The following EXOSC10 variants were observed in gnomAD, a reference collection of about 807,000 sequenced individuals.
EXOSC10 encodes the protein exosome complex component 10.
In EXOSC10, 94 loss-of-function variants were observed where a neutral mutation model predicts 126.6. That is an observed-to-expected ratio of 0.74 (90% confidence interval 0.63 to 0.88). The LOEUF is 0.88. EXOSC10 is among the 40% of genes least tolerant of loss of function. The probability of loss-of-function intolerance (pLI) is 0.00; values close to 1 mark genes in which losing one functional copy is unlikely to be tolerated. For synonymous variants in EXOSC10, 395 were observed against 400.8 expected, an observed-to-expected ratio of 0.99 and a Z score of 0.17; for missense variants, 1,041 against 1,100.5, an observed-to-expected ratio of 0.95 and a Z score of 0.77.
In EXOSC10 at chr1:11,077,605, G is replaced by A. The variant is rs1639891743; in HGVS notation, c.1796C>T (p.Ala599Val). ...AAAACAGATCCGACACTCTACCTCA[G>A]CACTGGGCAGCGGTCCGCTCTTCTT... Reference protein sequence around the residue: ...GVKKSGPLPSAERLENVLFGP... With the variant: ...GVKKSGPLPSVERLENVLFGP... The change falls in exon 15 of 25, where the codon GCT becomes GTT. Residue 599 changes from alanine to valine, a missense_variant. Coordinates refer to ENST00000376936, the MANE Select transcript of EXOSC10 (RefSeq NM_001001998.3). 1 of 1,613,770 alleles carries A rather than the reference G, an allele frequency of 6.2e-7. No homozygotes were observed. The highest frequency in any genetic ancestry group is 1.7e-5 in the Admixed American group (1 of 59,978).
Position 11,080,564 on chromosome 1 carries a change from ACAC to A in EXOSC10, c.1587-18_1587-16del, listed in dbSNP as rs553714960. ...GCAGTACATATCTGGAAAAAAAAAA[ACAC>A]ACACACACACACACACACACACACA... On this transcript the variant is annotated splice_polypyrimidine_tract_variant and intron_variant, in intron 12 of 24. Coordinates refer to ENST00000376936, the MANE Select transcript of EXOSC10 (RefSeq NM_001001998.3). 11,657 of 1,172,664 alleles carry A rather than the reference ACAC, an allele frequency of 9.9e-3. No homozygotes were observed. Among genetic ancestry groups the A allele is most frequent in the Middle Eastern group, 0.011 (37 of 3,254 alleles). 72.6% of individuals were successfully genotyped at this position (1,172,664 alleles called of 1,614,324 possible). A position where few individuals can be genotyped will look rare whatever the true frequency, so the allele number is the denominator to read the frequency against.
At chr1:11,088,281 A>T (rs191619584) in intron 6 of EXOSC10, 83 bp from the exon 7 acceptor site, 1 of 971,220 alleles carries the variant, frequency 1.0e-6, no homozygotes, top group East Asian at 2.5e-5. Context: ...TCCAATCTGT[A>T]AAAACAAATG....
intron 17 of EXOSC10, among the ~76,000 whole-genome samples, chr1:11,075,411 T>G (rs1259712345): frequency 6.6e-6 from 1 of 152,122 alleles, no homozygotes; most frequent in Non-Finnish European, 1.5e-5. Flanking sequence ...GTGCTATCCT[T>G]TTGCTTCATC....
In EXOSC10 at chr1:11,099,803, C is replaced by A. The variant is rs540443256; in HGVS notation, c.29G>T (p.Arg10Met). 5 of 1,611,754 alleles carry A rather than the reference C, an allele frequency of 3.1e-6. No individual in the cohort carries two copies. The African/African-American group carries it at 4.0e-5, about 13-fold the overall frequency. Residue 10 changes from arginine to methionine, a missense_variant, in exon 1 of 25, where the codon AGG becomes ATG. This residue lies in a region of EXOSC10 where 645 missense variants were observed against 656.3 expected (regional missense o/e 0.98). Coordinates refer to ENST00000376936, the MANE Select transcript of EXOSC10 (RefSeq NM_001001998.3). ...GGTTGCGCTGGTCGCCGACAGGACC[C>A]TGGGCTCCCGGGTACTGGGTGGCGC... MAPPSTREPRVLSATSATKS... is the reference protein window; with the variant it reads MAPPSTREPMVLSATSATKS...
In EXOSC10 at chr1:11,072,129, C is replaced by T; in HGVS notation, c.2200G>A (p.Asp734Asn). 1.9e-6 allele frequency: 3 copies of T among 1,613,936 alleles called. No individual in the cohort carries two copies. Among genetic ancestry groups the T allele is most frequent in the Non-Finnish European group, 2.5e-6 (3 of 1,179,932 alleles). Residue 734 changes from aspartate (D) to asparagine (N), a missense_variant, in exon 20 of 25, where the codon GAC becomes AAC. By Grantham distance (23) the Asp-to-Asn change is conservative. This residue lies in a region of EXOSC10 where 388 missense variants were observed against 415.2 expected (regional missense o/e 0.93). Coordinates refer to ENST00000376936, the MANE Select transcript of EXOSC10 (RefSeq NM_001001998.3). The part of the protein sequence containing the change: ...WKLAQVQVQK[D>N]SKEAVKKKAA... ...TTCTTCTTGACAGCTTCTTTAGAGT[C>T]TTTTTGTACTTGTACCTGGGCCAGC...
Position 11,087,548 on chromosome 1 carries a change from T to G in EXOSC10, c.989A>C (p.Gln330Pro). The G allele has an allele frequency of 6.2e-7, 1 of 1,614,150 alleles. No individual in the cohort carries two copies. Among genetic ancestry groups the G allele is most frequent in the Non-Finnish European group, 8.5e-7 (1 of 1,180,020 alleles). Residue 330 changes from glutamine (Q) to proline (P), a missense_variant, in exon 9 of 25, where the codon CAA becomes CCA. Physicochemically the swap from Gln to Pro is moderately conservative, Grantham distance 76. This residue lies in a region of EXOSC10 where 645 missense variants were observed against 656.3 expected (regional missense o/e 0.98). Transcript: ENST00000376936. ...RSFLGLTCLM[Q>P]ISTRTEDFII... ...GAAGTCTTCCGTCCGAGTAGAAATT[T>G]GCATCAGGCAGGTCAGTCCCAGGAA... is the stretch of plus-strand genomic sequence containing the variant.
intron 14 of EXOSC10, 87 bp from the exon 15 acceptor site, chr1:11,077,738 C>A: frequency 8.7e-7 from 1 of 1,149,490 alleles, no homozygotes; most frequent in African/African-American, 1.5e-5. Context: ...TGTATTCCTT[C>A]ACCAGCCTGT....
chr1:11,099,666 C>G, intron 1 of EXOSC10, 55 bp downstream of exon 1: 3 of 1,509,056 alleles, frequency 2.0e-6, no homozygotes, highest in Non-Finnish European at 1.8e-6. Context: ...AGGGCCCAGT[C>G]GGCTTCCGGC....
chr1:11,073,331 A>C (rs1450447663), intron 19 of EXOSC10, among the ~76,000 whole-genome samples: 1 of 151,684 alleles, frequency 6.6e-6, no homozygotes, highest in African/African-American at 2.4e-5. Context: ...ACGGGGTTTC[A>C]CCATGTTAGC....
chr1:11,066,813 C>T (rs1053119055), intron 24 of EXOSC10, 65 bp from the exon 25 acceptor site: 20 of 1,565,592 alleles, frequency 1.3e-5, no homozygotes, highest in Non-Finnish European at 1.8e-5. Context: ...AGATGGTTTA[C>T]AAAATGGTGC....
intron 3 of EXOSC10, among the ~76,000 whole-genome samples, chr1:11,091,926 G>A (rs924714389): frequency 2.0e-5 from 3 of 152,156 alleles, no homozygotes; most frequent in African/African-American, 7.2e-5. Context: ...CTGACCTCAA[G>A]TGATCCGCCC....
intron 21 of EXOSC10, chr1:11,070,661 G>A (rs1557692859): frequency 2.1e-6 from 1 of 487,052 alleles, no homozygotes; most frequent in Non-Finnish European, 3.6e-6. Flanking sequence ...TACTACAGTT[G>A]AGTGGTCTGG....
chr1:11,074,912 C>T (rs911631994), intron 17 of EXOSC10, among the ~76,000 whole-genome samples: 2 of 152,160 alleles, frequency 1.3e-5, no homozygotes, highest in African/African-American at 4.8e-5. Flanking sequence ...CTGAGGCCTA[C>T]AGAGGTTGTG....
At chr1:11,068,858 A>T (rs1639270348) in intron 22 of EXOSC10, 152 bp from the exon 23 acceptor site, 1 of 670,162 alleles carries the variant, frequency 1.5e-6, no homozygotes, top group Non-Finnish European at 2.7e-6. Context: ...CATGGCTCAC[A>T]TAAATGAATA....
In EXOSC10 at chr1:11,069,295, C is replaced by T. The variant is rs908742944; in HGVS notation, c.2488+264G>A. 2.6e-5 allele frequency among the ~76,000 whole-genome samples: 3 copies of T among 113,694 alleles called. No homozygotes were observed. The Admixed American group carries it at 3.3e-4, about 13-fold the overall frequency. 74.6% of individuals were successfully genotyped at this position (113,694 alleles called of 152,430 possible). A position where few individuals can be genotyped will look rare whatever the true frequency, so the allele number is the denominator to read the frequency against. On this transcript the variant is annotated intron_variant, in intron 22 of 24. Coordinates refer to ENST00000376936, the MANE Select transcript of EXOSC10 (RefSeq NM_001001998.3). ...CACAAGTTATAGTGAGGAAGGATGG[C>T]GCCCTGGTCACAGTGGAAGTGACAG...
rs1221547703 is a variant in EXOSC10, at chr1:11,079,693, C to T, written c.1749+18G>A. ...ATAGGCGTGAGCCACTGTGCCCAGC[C>T]GCAGAAAAGCTTCTTACCTTGAGCA... On this transcript the variant is annotated intron_variant, in intron 14 of 24. Transcript: ENST00000376936. The T allele has an allele frequency of 7.5e-6, 12 of 1,603,598 alleles. No individual in the cohort carries two copies. The highest frequency in any genetic ancestry group is 1.3e-5 in the African/African-American group (1 of 74,688).
chr1:11,080,605 C>A, intron 12 of EXOSC10, 56 bp from the exon 13 acceptor site: 2 of 1,395,896 alleles, frequency 1.4e-6, no homozygotes, highest in Non-Finnish European at 1.9e-6. Context: ...CACACACACA[C>A]GGTGGGGACA....
At chr1:11,078,219 T>G (rs2100972652) in intron 14 of EXOSC10, among the ~76,000 whole-genome samples, 1 of 151,722 alleles carries the variant, frequency 6.6e-6, no homozygotes, top group South Asian at 2.1e-4. Flanking sequence ...GAGCCATGAT[T>G]GCACCACTGC....
chr1:11,098,116 C>T lies in EXOSC10; in HGVS notation c.152G>A (p.Gly51Glu). The change falls in exon 2 of 25, where the codon GGG (glycine) becomes GAG (glutamate). Residue 51 changes from glycine to glutamate, a missense_variant. By Grantham distance (98) the Gly-to-Glu change is moderately conservative. Coordinates refer to ENST00000376936, the MANE Select transcript of EXOSC10 (RefSeq NM_001001998.3). ...GSVVAVTKAS[G>E]GLPQFGDEYD... ...CTCATCGCCAAACTGTGGTAGGCCC[C>T]CAGATGCCTTGGTGACTGCCACCAC... 1 of 1,612,184 alleles carries T rather than the reference C, an allele frequency of 6.2e-7. No individual in the cohort carries two copies. The highest frequency in any genetic ancestry group is 8.5e-7 in the Non-Finnish European group (1 of 1,179,542).
Sources: gnomAD v4.1 joint callset for allele counts (sites outside exome capture counted in the v4.1 genomes callset) on GRCh38, gnomAD v4.1.1 for gene constraint, gnomAD v4.1.1 regional missense constraint, MANE v1.5 for transcripts, NCBI Gene and HGNC (gene_info 2026-07-23, HGNC 2026-07-21) for gene names.